RPAP2: variants seen among roughly 807,000 people sequenced by gnomAD.
RPAP2 encodes RNA polymerase II associated protein 2, also known as putative RNA polymerase II subunit B1 CTD phosphatase RPAP2.
RPAP2 carries 52 observed loss-of-function variants against 73.1 expected under a neutral mutation model. The observed-to-expected ratio is 0.71, with a 90% CI of 0.57 to 0.90. The LOEUF is 0.90. RPAP2 is among the 40% of genes least tolerant of loss of function. The pLI, the probability that RPAP2 is intolerant of heterozygous loss-of-function variation, is 0.00. For missense variants in RPAP2, 598 were observed against 701.8 expected (o/e 0.85, Z 1.67); for synonymous variants, 225 against 242.1 (o/e 0.93, Z 0.65).
intron 6 of RPAP2, among the ~76,000 whole-genome samples, chr1:92,316,790 A>T (rs1252716443): frequency 6.6e-6 from 1 of 152,228 alleles, no homozygotes; most frequent in Non-Finnish European, 1.5e-5. Flanking sequence ...AAGAAAGAGC[A>T]ATGTAACTTG....
At chr1:92,376,786 G>T (rs1226514816) in intron 11 of RPAP2, among the ~76,000 whole-genome samples, 1 of 152,186 alleles carries the variant, frequency 6.6e-6, no homozygotes, top group African/African-American at 2.4e-5. Flanking sequence ...AGCCTACAAA[G>T]AATGAAAGCT....
chr1:92,337,256 G>A (rs1653331601), intron 10 of RPAP2, among the ~76,000 whole-genome samples: 1 of 152,064 alleles, frequency 6.6e-6, no homozygotes, highest in Non-Finnish European at 1.5e-5. Flanking sequence ...TTTTAGAAGT[G>A]TAAAATTACA....
At chr1:92,326,725 A>C (rs1273688458) in intron 8 of RPAP2, among the ~76,000 whole-genome samples, 1 of 152,198 alleles carries the variant, frequency 6.6e-6, no homozygotes, top group Non-Finnish European at 1.5e-5. Flanking sequence ...GCAGGTTGTC[A>C]GGGAAGTGGG....
At position 92,323,429 on chromosome 1, in the gene RPAP2, C is replaced by T; in HGVS notation, c.525-16C>T. Reference sequence around the variant, plus strand: ...TATTTTTTATTTAGTTATTTTATTTCTCTTTCATTCTACAGTGGCCATTCT... The same window carrying T: ...TATTTTTTATTTAGTTATTTTATTTTTCTTTCATTCTACAGTGGCCATTCT... On this transcript the variant is annotated splice_polypyrimidine_tract_variant and intron_variant, in intron 7 of 12. Coordinates refer to ENST00000610020, the MANE Select transcript of RPAP2 (RefSeq NM_024813.3). The T allele has an allele frequency of 1.3e-6, 2 of 1,494,264 alleles. No individual in the cohort carries two copies. The highest frequency in any genetic ancestry group is 9.0e-7 in the Non-Finnish European group (1 of 1,109,720). The allele number at this position is 1,494,264 out of a possible 1,614,324, so 92.6% of individuals were successfully genotyped here. A position where few individuals can be genotyped will look rare whatever the true frequency, so the allele number is the denominator to read the frequency against.
At chr1:92,373,241 G>C (rs1655226603) in intron 11 of RPAP2, among the ~76,000 whole-genome samples, 1 of 152,132 alleles carries the variant, frequency 6.6e-6, no homozygotes, top group Admixed American at 6.6e-5. Flanking sequence ...TCACATGAAG[G>C]ATCCTACCAT....
intron 11 of RPAP2, among the ~76,000 whole-genome samples, chr1:92,357,988 G>A (rs970841540): frequency 2.6e-5 from 4 of 152,122 alleles, no homozygotes; most frequent in African/African-American, 7.2e-5. Context: ...GTGCAGTGGC[G>A]TGATCATAGC....
At position 92,388,499 on chromosome 1, in the gene RPAP2, C is replaced by T. The variant is rs1571159513; in HGVS notation, c.*1488C>T. On this transcript the variant is annotated 3_prime_UTR_variant, in exon 13 of 13. Transcript: ENST00000610020. ...GCATTTTCAACTAAAGTACCTGGTT[C>T]GTCTCACTGGGACTGGCTGGACAGT... is the stretch of plus-strand genomic sequence containing the variant. The T allele has an allele frequency of 6.6e-6, 1 of 152,330 alleles. No individual in the cohort carries two copies. The highest frequency in any genetic ancestry group is 2.4e-5 in the African/African-American group (1 of 41,470). 9.4% of individuals were successfully genotyped at this position (152,330 alleles called of 1,614,324 possible).
intron 6 of RPAP2, among the ~76,000 whole-genome samples, chr1:92,313,376 A>G (rs1016055085): frequency 2.6e-5 from 4 of 152,116 alleles, no homozygotes; most frequent in East Asian, 1.9e-4. Context: ...CTAATCTTGT[A>G]CATTTGCATC....
At position 92,380,995 on chromosome 1, in the gene RPAP2, TAAGG is replaced by T; in HGVS notation, c.1838+128_1838+131del. ...AGACCTCAAGATGCCCTCAGTTTGC[TAAGG>T]AAGGACATGATATCCCTTAGTTCTC... is the stretch of plus-strand genomic sequence containing the variant. On this transcript the variant is annotated intron_variant, in intron 12 of 12. Transcript: ENST00000610020. 3 of 745,592 alleles carry T rather than the reference TAAGG, an allele frequency of 4.0e-6. No individual in the cohort carries two copies. The South Asian group carries it at 6.4e-5, about 16-fold the overall frequency. The allele number at this position is 745,592 out of a possible 1,614,324, so 46.2% of individuals were successfully genotyped here. A position where few individuals can be genotyped will look rare whatever the true frequency, so the allele number is the denominator to read the frequency against.
chr1:92,336,655 G>A (rs1557609837), intron 10 of RPAP2, among the ~76,000 whole-genome samples: 1 of 152,014 alleles, frequency 6.6e-6, no homozygotes, highest in Non-Finnish European at 1.5e-5. Flanking sequence ...TTTATTTACG[G>A]AATAGCCTAA....
intron 8 of RPAP2, among the ~76,000 whole-genome samples, chr1:92,330,406 A>G (rs528633961): frequency 6.1e-5 from 8 of 130,858 alleles, no homozygotes; most frequent in Non-Finnish European, 9.9e-5. Context: ...TCATTGAACT[A>G]TCTTTTCCTC....
chr1:92,355,974 T>G (rs1322383751), intron 11 of RPAP2, among the ~76,000 whole-genome samples: 1 of 152,138 alleles, frequency 6.6e-6, no homozygotes, highest in East Asian at 1.9e-4. Context: ...CGTGGAGTGG[T>G]TTAGTATCTG....
At position 92,300,202 on chromosome 1, in the gene RPAP2, C is replaced by G. The variant is rs149555004; in HGVS notation, c.82C>G (p.Gln28Glu). The part of the protein sequence containing the change: ...RCSRKAAGTK[Q>E]TSTLKQEDAS... ...CTGTATTTTTATTGTAGGTACTAAACAGACAAGTACTTTGAAACAAGAAGA... is the reference window on the plus strand; with the variant it reads ...CTGTATTTTTATTGTAGGTACTAAAGAGACAAGTACTTTGAAACAAGAAGA... The change falls in exon 2 of 13, where the codon CAG becomes GAG. Residue 28 changes from glutamine (Q) to glutamate (E), a missense_variant. Transcript: ENST00000610020. 263 of 1,608,674 alleles carry G rather than the reference C, an allele frequency of 1.6e-4. 1 individual carries two copies. The African/African-American group carries it at 3.1e-3, about 19-fold the overall frequency.
chr1:92,303,929 A>C, intron 3 of RPAP2, 48 bp from the exon 4 acceptor site: 1 of 1,308,040 alleles, frequency 7.6e-7, no homozygotes, highest in East Asian at 2.3e-5. Flanking sequence ...CTGATAAATG[A>C]ACTTTTCTAT....
intron 10 of RPAP2, among the ~76,000 whole-genome samples, chr1:92,342,264 T>C (rs1653635710): frequency 6.6e-6 from 1 of 152,240 alleles, no homozygotes; most frequent in African/African-American, 2.4e-5. Flanking sequence ...CAAGCTGTGT[T>C]GCTGTCTGTG....
rs1287757621 is a variant in RPAP2 at position 92,304,186 on chromosome 1, T to C, written c.334-98T>C. 4.5e-6 allele frequency: 5 copies of C among 1,107,412 alleles called. No homozygotes were observed. The African/African-American group carries it at 6.3e-5, about 14-fold the overall frequency. The allele number at this position is 1,107,412 out of a possible 1,614,324, so 68.6% of individuals were successfully genotyped here. On this transcript the variant is annotated intron_variant, in intron 4 of 12. Coordinates refer to ENST00000610020, the MANE Select transcript of RPAP2 (RefSeq NM_024813.3). ...TAAGGTCATGAACTAAAGGCATGGA[T>C]TGGCCAATGATATGATATGTAGATG...
At chr1:92,342,199 A>T (rs980766281) in intron 10 of RPAP2, among the ~76,000 whole-genome samples, 1 of 152,212 alleles carries the variant, frequency 6.6e-6, no homozygotes, top group Non-Finnish European at 1.5e-5. Context: ...CTGGTTAAGG[A>T]AGACTTCATT....
chr1:92,337,536 G>A (rs1347403341), intron 10 of RPAP2, among the ~76,000 whole-genome samples: 1 of 152,052 alleles, frequency 6.6e-6, no homozygotes, highest in Non-Finnish European at 1.5e-5. Flanking sequence ...AGGATAATTT[G>A]TAATAATTTA....
Position 92,399,293 on chromosome 1 carries a change from A to G in RPAP2, c.*12282A>G, listed in dbSNP as rs892834221. 1 of 152,246 alleles carries G rather than the reference A, an allele frequency of 6.6e-6. No individual in the cohort carries two copies. Among genetic ancestry groups the G allele is most frequent in the African/African-American group, 2.4e-5 (1 of 41,460 alleles). The allele number at this position is 152,246 out of a possible 1,614,324, so 9.4% of individuals were successfully genotyped here. ...AATTCTGGACTCCCTTGGGGCTTGC[A>G]AAACTCCCTATGTCTTGCAGACCAA... On this transcript the variant is annotated 3_prime_UTR_variant, in exon 13 of 13. Transcript: ENST00000610020.
Sources: allele counts gnomAD v4.1 joint callset (sites outside exome capture counted in the v4.1 genomes callset), GRCh38; gene constraint gnomAD v4.1.1; transcripts MANE v1.5; gene names NCBI Gene and HGNC (gene_info 2026-07-23, HGNC 2026-07-21).